EYS: variants seen among roughly 807,000 people sequenced by gnomAD.
EYS encodes the protein protein eyes shut homolog.
Under a neutral mutation model 282.1 loss-of-function variants are expected in EYS, and 250 were observed. The ratio of observed to expected loss-of-function variants is 0.89; its 90% confidence interval spans 0.80 to 0.98. EYS has a LOEUF of 0.98. EYS is among the 50% of genes least tolerant of loss of function. EYS has a pLI of 0.00. For missense variants in EYS, 4,016 were observed against 3,709.0 expected, an observed-to-expected ratio of 1.08 and a Z score of -2.15; for synonymous variants, 1,355 against 1,282.9, an observed-to-expected ratio of 1.06 and a Z score of -1.20.
chr6:64,448,900 T>C (rs1721879031), intron 26 of EYS, among the ~76,000 whole-genome samples: 1 of 151,676 alleles, frequency 6.6e-6, no homozygotes, highest in African/African-American at 2.4e-5. Context: ...ACCACAAAGA[T>C]GGGGAAAAAA....
At chr6:65,653,742 G>T (rs747449368) in intron 1 of EYS, among the ~76,000 whole-genome samples, 1 of 151,820 alleles carries the variant, frequency 6.6e-6, no homozygotes, top group East Asian at 1.9e-4. Context: ...TGACATAGCC[G>T]AAGAGTGGTG....
chr6:64,842,275 C>T (rs1337731107), intron 19 of EYS, among the ~76,000 whole-genome samples: 2 of 151,054 alleles, frequency 1.3e-5, no homozygotes, highest in Non-Finnish European at 2.9e-5. Flanking sequence ...ATCTGGTATG[C>T]CATTATTTTC....
chr6:65,095,683 A>G (rs1289338467), intron 12 of EYS, among the ~76,000 whole-genome samples: 1 of 150,866 alleles, frequency 6.6e-6, no homozygotes, highest in Non-Finnish European at 1.5e-5. Context: ...CGTTAACAGA[A>G]TGAAGGATAA....
chr6:64,024,282 G>A (rs1416320561), intron 33 of EYS, among the ~76,000 whole-genome samples: 1 of 152,116 alleles, frequency 6.6e-6, no homozygotes, highest in Non-Finnish European at 1.5e-5. Flanking sequence ...TCTAGCTCAG[G>A]GTTTGTGAAT....
At chr6:63,831,277 G>A (rs1011778438) in intron 36 of EYS, among the ~76,000 whole-genome samples, 2 of 152,112 alleles carry the variant, frequency 1.3e-5, no homozygotes, top group Admixed American at 6.6e-5. Context: ...CTGGCAAATT[G>A]GATAAAGAGT....
chr6:65,443,182 CA>C (rs1427690241), intron 5 of EYS, among the ~76,000 whole-genome samples: 1 of 150,730 alleles, frequency 6.6e-6, no homozygotes, highest in East Asian at 2.0e-4. Flanking sequence ...ATGTGCACAT[CA>C]TATACATATG....
intron 31 of EYS, among the ~76,000 whole-genome samples, chr6:64,217,128 G>T (rs1765954858): frequency 6.6e-6 from 1 of 152,254 alleles, no homozygotes; most frequent in East Asian, 1.9e-4. Flanking sequence ...TGATTAAAAA[G>T]TAAGAGACTA....
chr6:65,370,351 C>T (rs1314412070), intron 8 of EYS, among the ~76,000 whole-genome samples: 1 of 147,628 alleles, frequency 6.8e-6, no homozygotes, highest in Non-Finnish European at 1.5e-5. Context: ...AATTCCTGGG[C>T]TCAAAGTGAT....
At chr6:63,906,320 A>G (rs1773778492) in intron 35 of EYS, among the ~76,000 whole-genome samples, 1 of 152,238 alleles carries the variant, frequency 6.6e-6, no homozygotes, top group Non-Finnish European at 1.5e-5. Context: ...CTGAGGTGCC[A>G]TCCACAAATT....
intron 30 of EYS, among the ~76,000 whole-genome samples, chr6:64,299,022 T>A (rs1007557826): frequency 2.0e-5 from 3 of 151,924 alleles, no homozygotes; most frequent in African/African-American, 7.3e-5. Flanking sequence ...GTCAGGGTGG[T>A]GGGAAAAATT....
At chr6:64,919,987 C>G (rs531658245) in intron 15 of EYS, among the ~76,000 whole-genome samples, 1 of 152,062 alleles carries the variant, frequency 6.6e-6, no homozygotes, top group East Asian at 1.9e-4. Flanking sequence ...GAAGAATACC[C>G]AAAGTTAAAT....
At chr6:64,036,293 A>G (rs1431029335) in intron 33 of EYS, among the ~76,000 whole-genome samples, 1 of 152,176 alleles carries the variant, frequency 6.6e-6, no homozygotes, top group Non-Finnish European at 1.5e-5. Context: ...ATGGGGAGTG[A>G]GTAGTGAGAG....
In EYS at chr6:65,122,468, T is replaced by C. The variant is rs115595414; in HGVS notation, c.2024-64741A>G. On this transcript the variant is annotated intron_variant, in intron 12 of 42. Coordinates refer to ENST00000503581, the MANE Select transcript of EYS (RefSeq NM_001142800.2). The stretch of plus-strand genomic sequence containing the variant: ...GCGTGTCAATGAGAAAATTTGATAG[T>C]CTTGAAACGTAACATATTAATTTGC... Among the ~76,000 whole-genome samples the C allele has an allele frequency of 3.0e-3, 459 of 152,190 alleles. 2 individuals carry two copies. The highest frequency in any genetic ancestry group is 5.5e-3 in the Non-Finnish European group (371 of 67,948).
intron 30 of EYS, among the ~76,000 whole-genome samples, chr6:64,233,795 A>G (rs1342418838): frequency 2.0e-5 from 3 of 152,190 alleles, no homozygotes; most frequent in Non-Finnish European, 4.4e-5. Flanking sequence ...GGAGAAAGAC[A>G]CCTTGATAGG....
chr6:64,552,929 TC>T (rs375820776), intron 26 of EYS, among the ~76,000 whole-genome samples: 440 of 39,570 alleles, frequency 0.011, 2 homozygotes, highest in African/African-American at 0.036. Context: ...CCCCGCCCCC[TC>T]CCCCCCAAAA....
chr6:64,578,396 C>T (rs76072765), intron 26 of EYS, among the ~76,000 whole-genome samples: 1 of 151,992 alleles, frequency 6.6e-6, no homozygotes, highest in Non-Finnish European at 1.5e-5. Flanking sequence ...ACAGTACTGG[C>T]TTTTTGCTCT....
In EYS at chr6:65,335,056, G is replaced by T; in HGVS notation, c.1690C>A (p.Leu564Met). The change falls in exon 11 of 43, where the codon CTG (leucine) becomes ATG (methionine). Residue 564 changes from leucine (L) to methionine (M), a missense_variant. Leu to Met is a conservative substitution (Grantham distance 15). Coordinates refer to ENST00000503581, the MANE Select transcript of EYS (RefSeq NM_001142800.2). ...TCTTGATCATCAGTTGTATTTTCCA[G>T]ATACATGTTGCCAGCCCATCTGAGA... Reference protein sequence around the residue: ...CFLRWAGNMYLENTTDDQENE... With the variant: ...CFLRWAGNMYMENTTDDQENE... 6.2e-7 allele frequency: 1 copy of T among 1,611,702 alleles called. No individual in the cohort carries two copies. The highest frequency in any genetic ancestry group is 8.5e-7 in the Non-Finnish European group (1 of 1,178,592).
At chr6:65,359,447 C>T (rs201417565) in intron 8 of EYS, among the ~76,000 whole-genome samples, 2 of 151,926 alleles carry the variant, frequency 1.3e-5, no homozygotes, top group Non-Finnish European at 2.9e-5. Context: ...TTTAAAACAA[C>T]TTTAGATGCT....
chr6:64,219,662 T>C (rs894923408), intron 31 of EYS, among the ~76,000 whole-genome samples: 2 of 152,182 alleles, frequency 1.3e-5, no homozygotes, highest in African/African-American at 4.8e-5. Context: ...AGTGTAAAAG[T>C]GTTCCTATTT....
Sources: allele counts gnomAD v4.1 joint callset (sites outside exome capture counted in the v4.1 genomes callset), GRCh38; gene constraint gnomAD v4.1.1; transcripts MANE v1.5; gene names NCBI Gene and HGNC (gene_info 2026-07-23, HGNC 2026-07-21).